MED1: variants seen among roughly 807,000 people sequenced by gnomAD.
MED1 encodes mediator of RNA polymerase II transcription subunit 1.
MED1 carries 17 observed loss-of-function variants against 121.3 expected under a neutral mutation model. The ratio of observed to expected loss-of-function variants is 0.14; its 90% CI spans 0.10 to 0.21. The LOEUF (loss-of-function observed/expected upper bound fraction) is 0.21, where lower values mean the gene tolerates loss of function less well. Among genes scored for constraint, MED1 ranks in the 10% least tolerant of loss-of-function variants. The pLI, the probability that MED1 is intolerant of heterozygous loss-of-function variation, is 1.00. For synonymous variants in MED1, 661 were observed against 694.4 expected, an observed-to-expected ratio of 0.95 and a Z score of 0.76; for missense variants, 1,558 against 1,919.4, an observed-to-expected ratio of 0.81 and a Z score of 3.52.
chr17:39,443,484 T>C (rs1266971908), intron 3 of MED1, 66 bp downstream of exon 3: 2 of 1,386,804 alleles, frequency 1.4e-6, no homozygotes, highest in African/African-American at 1.4e-5. Flanking sequence ...CTAGTTTAAG[T>C]ATAAAATGGT....
chr17:39,424,545 G>A, intron 11 of MED1, 82 bp downstream of exon 11: 1 of 824,030 alleles, frequency 1.2e-6, no homozygotes, highest in Non-Finnish European at 2.0e-6. Flanking sequence ...ATTCAAGTGG[G>A]GTAACAGCCA....
chr17:39,442,189 A>C (rs548523283), intron 3 of MED1, among the ~76,000 whole-genome samples: 1 of 152,188 alleles, frequency 6.6e-6, no homozygotes, highest in Non-Finnish European at 1.5e-5. Context: ...ATTATTCCCC[A>C]AAAATAGAAT....
chr17:39,430,183 G>A lies in MED1; in HGVS notation c.649+932C>T, dbSNP rs970362587. 2.0e-5 allele frequency among the ~76,000 whole-genome samples: 3 copies of A among 152,168 alleles called. No individual in the cohort carries two copies. In the South Asian group the frequency reaches 6.2e-4, roughly 32 times the overall value. ...GAGGATCACTTGAAGTCAGGAATTT[G>A]AGACCAGCCTGGCCAACATGGTGAA... On this transcript the variant is annotated intron_variant, in intron 9 of 16. Coordinates refer to ENST00000300651, the MANE Select transcript of MED1 (RefSeq NM_004774.4).
At position 39,406,777 on chromosome 17, in the gene MED1, C is replaced by T. The variant is rs892623680; in HGVS notation, c.*698G>A. On this transcript the variant is annotated 3_prime_UTR_variant, in exon 17 of 17. Transcript: ENST00000300651. ...TTAGCACAAGCTATAAGCTCCCTAC[C>T]ACCATATAAGCCTTGCTCTTCGGCC... 2.0e-6 allele frequency: 2 copies of T among 985,540 alleles called. No homozygotes were observed. Among genetic ancestry groups the T allele is most frequent in the Non-Finnish European group, 2.4e-6 (2 of 829,932 alleles). 61.0% of individuals were successfully genotyped at this position (985,540 alleles called of 1,614,324 possible).
chr17:39,407,298 T>G lies in MED1; in HGVS notation c.*177A>C. On this transcript the variant is annotated 3_prime_UTR_variant, in exon 17 of 17. Coordinates refer to ENST00000300651, the MANE Select transcript of MED1 (RefSeq NM_004774.4). ...GGTAACCAGAATCAAACCCTGTGGT[T>G]TCTTTAATAGGGTCTGGATATGCCT... The G allele has an allele frequency of 3.4e-5, 40 of 1,180,536 alleles. No individual in the cohort carries two copies. Among genetic ancestry groups the G allele is most frequent in the East Asian group, 2.2e-4 (6 of 27,292 alleles). 73.1% of individuals were successfully genotyped at this position (1,180,536 alleles called of 1,614,324 possible). A position where few individuals can be genotyped will look rare whatever the true frequency, so the allele number is the denominator to read the frequency against.
intron 2 of MED1, among the ~76,000 whole-genome samples, chr17:39,447,014 C>T (rs556366126): frequency 3.9e-4 from 59 of 152,220 alleles, no homozygotes; most frequent in Middle Eastern, 3.4e-3. Context: ...GAAATGCTCC[C>T]AAATCCAAAA....
At chr17:39,443,494 T>C in intron 3 of MED1, 56 bp downstream of exon 3, 6 of 1,466,126 alleles carry the variant, frequency 4.1e-6, no homozygotes, top group Non-Finnish European at 5.7e-6. Flanking sequence ...TATAAAATGG[T>C]CCTTCTTGAA....
At chr17:39,423,485 G>A in intron 12 of MED1, 40 bp from the exon 13 acceptor site, 1 of 1,531,622 alleles carries the variant, frequency 6.5e-7, no homozygotes, top group Non-Finnish European at 9.0e-7. Context: ...ATGTTAAGAT[G>A]AAAACACTGA....
chr17:39,449,889 A>C (rs2048765585), intron 1 of MED1, among the ~76,000 whole-genome samples: 1 of 137,116 alleles, frequency 7.3e-6, no homozygotes, highest in Non-Finnish European at 1.5e-5. Context: ...GTCTTGGCTC[A>C]CCACAACCTC....
chr17:39,410,132 G>A lies in MED1; in HGVS notation c.2089C>T (p.Pro697Ser). 1 of 1,614,128 alleles carries A rather than the reference G, an allele frequency of 6.2e-7. No individual in the cohort carries two copies. The highest frequency in any genetic ancestry group is 8.5e-7 in the Non-Finnish European group (1 of 1,180,028). The change falls in exon 17 of 17, where the codon CCT becomes TCT. Residue 697 changes from proline to serine, a missense_variant. Physicochemically the swap from Pro to Ser is moderately conservative, Grantham distance 74 (BLOSUM62 -1). Around this residue, in one of 5 missense-constraint regions of MED1, gnomAD observed 793 missense variants for 898.2 expected, o/e 0.88. Transcript: ENST00000300651. ...TCAGTCTGGTGCTTTGGTTTCTCAG[G>A]TGGTAATCTTGATGACTTCTTTTTC... ...TKKKKSSRLP[P>S]EKPKHQTEDD... is the part of the protein sequence containing the mutation.
In MED1 at chr17:39,446,091, T is replaced by C. The variant is rs556256628; in HGVS notation, c.132+1707A>G. ...TGGCTCACACTGTAATCCTAACACTTTGGGAGGCCAAAGTGGGTGGATCAC... is the reference window on the plus strand; with the variant it reads ...TGGCTCACACTGTAATCCTAACACTCTGGGAGGCCAAAGTGGGTGGATCAC... On this transcript the variant is annotated intron_variant, in intron 2 of 16. Transcript: ENST00000300651. 2.2e-3 allele frequency among the ~76,000 whole-genome samples: 331 copies of C among 151,278 alleles called. 2 individuals are homozygous for C. Among genetic ancestry groups the C allele is most frequent in the African/African-American group, 7.6e-3 (314 of 41,192 alleles).
chr17:39,434,330 G>A lies in MED1; in HGVS notation c.429-10C>T, dbSNP rs1268613225. The A allele has an allele frequency of 2.8e-6, 4 of 1,449,114 alleles. No homozygotes were observed. The highest frequency in any genetic ancestry group is 2.0e-4 in the Middle Eastern group (1 of 5,120). 89.8% of individuals were successfully genotyped at this position (1,449,114 alleles called of 1,614,324 possible). ...ATCAAAATTTTTTTCCCTATAAGGA[G>A]TTCAGGGAAGAGGGGAAAGAGAGGA... On this transcript the variant is annotated splice_polypyrimidine_tract_variant and intron_variant, in intron 6 of 16. Transcript: ENST00000300651.
chr17:39,422,933 T>C (rs2048481422), intron 13 of MED1, among the ~76,000 whole-genome samples: 1 of 144,520 alleles, frequency 6.9e-6, no homozygotes, highest in East Asian at 2.1e-4. Context: ...TGGCACAATC[T>C]TGTCTCACTG....
intron 1 of MED1, among the ~76,000 whole-genome samples, chr17:39,448,865 C>T (rs1032984929): frequency 3.9e-5 from 6 of 151,998 alleles, no homozygotes; most frequent in Non-Finnish European, 5.9e-5. Flanking sequence ...GCCCAGATTG[C>T]GCCACTGCAC....
At position 39,407,350 on chromosome 17, in the gene MED1, AG is replaced by A. The variant is rs751712512; in HGVS notation, c.*124del. On this transcript the variant is annotated 3_prime_UTR_variant, in exon 17 of 17. Transcript: ENST00000300651. Reference sequence around the variant, plus strand: ...TCTAATTCACCCAGCTTGATGTCAAAGCCATGCCATTTAGGATTCTTAACCA... The same window carrying A: ...TCTAATTCACCCAGCTTGATGTCAAACCATGCCATTTAGGATTCTTAACCA... 1.0e-4 allele frequency: 144 copies of A among 1,430,574 alleles called. No homozygotes were observed. The highest frequency in any genetic ancestry group is 7.7e-4 in the Middle Eastern group (3 of 3,902). 88.6% of individuals were successfully genotyped at this position (1,430,574 alleles called of 1,614,324 possible).
intron 2 of MED1, among the ~76,000 whole-genome samples, chr17:39,446,746 C>A (rs1045887896): frequency 1.3e-5 from 2 of 151,642 alleles, no homozygotes; most frequent in African/African-American, 4.8e-5. Flanking sequence ...TGCACTCCAG[C>A]CTGGCCACAG....
intron 7 of MED1, among the ~76,000 whole-genome samples, chr17:39,433,429 G>A (rs2048586437): frequency 6.6e-6 from 1 of 151,248 alleles, no homozygotes; most frequent in South Asian, 2.1e-4. Flanking sequence ...ACCTCAGGTG[G>A]TCCACCCACC....
chr17:39,424,658 T>C lies in MED1; in HGVS notation c.820A>G (p.Ile274Val), dbSNP rs2048497535. The change falls in exon 11 of 17, where the codon ATT becomes GTT. Residue 274 changes from isoleucine (I) to valine (V), a missense_variant. This residue lies in a region of MED1 where 443 missense variants were observed against 532.4 expected (regional missense o/e 0.83). Coordinates refer to ENST00000300651, the MANE Select transcript of MED1 (RefSeq NM_004774.4). ...TTGTCAACTGGATGTGACCCCATAA[T>C]TAATGGTGCAATTGGGAGTTTGTAC... ...AVYKLPIAPL[I>V]MGSHPVDNKW... The C allele has an allele frequency of 6.2e-7, 1 of 1,604,950 alleles. No homozygotes were observed. Among genetic ancestry groups the C allele is most frequent in the Middle Eastern group, 1.7e-4 (1 of 6,048 alleles).
rs145275605 is a variant in MED1, at chr17:39,443,320, C to T, written c.211+230G>A. ...CAGCCTCCCCAGGTATCTTATATTA[C>T]CCTTCATCATTTATCTTTTAAATCT... On this transcript the variant is annotated intron_variant, in intron 3 of 16. Coordinates refer to ENST00000300651, the MANE Select transcript of MED1 (RefSeq NM_004774.4). Among the ~76,000 whole-genome samples the T allele has an allele frequency of 4.4e-3, 673 of 152,034 alleles. 2 individuals carry two copies. Among genetic ancestry groups the T allele is most frequent in the African/African-American group, 0.015 (637 of 41,480 alleles).
Sources: allele counts gnomAD v4.1 joint callset (sites outside exome capture counted in the v4.1 genomes callset), GRCh38; gene constraint gnomAD v4.1.1; regional missense constraint gnomAD v4.1.1; transcripts MANE v1.5; gene names NCBI Gene and HGNC (gene_info 2026-07-23, HGNC 2026-07-21).